Variants in ARMC2 observed in about 807,000 individuals in gnomAD.
The protein encoded by ARMC2 is armadillo repeat-containing protein 2.
Under a neutral mutation model 90.3 loss-of-function variants are expected in ARMC2, and 67 were observed. The observed-to-expected ratio is 0.74, with a 90% CI of 0.61 to 0.91. The LOEUF is 0.91. ARMC2 is among the 40% of genes least tolerant of loss of function. The pLI is 0.00. For missense variants in ARMC2, 920 were observed against 1,030.9 expected, an observed-to-expected ratio of 0.89 and a Z score of 1.47; for synonymous variants, 393 against 393.0, an observed-to-expected ratio of 1.00 and a Z score of 0.00.
chr6:109,044,967 G>A, the ARMC2 span, among the ~76,000 whole-genome samples: 44 of 151,808 alleles, frequency 2.9e-4, 1 homozygote, highest in Non-Finnish European at 5.6e-4. Flanking sequence ...AGGTTGCGGT[G>A]AGCTGAGATT....
At chr6:109,034,625 G>A in the ARMC2 span, among the ~76,000 whole-genome samples, 2 of 152,198 alleles carry the variant, frequency 1.3e-5, no homozygotes, top group South Asian at 2.1e-4. Context: ...AGCTTTCCTT[G>A]AAGCTGGGTG....
At chr6:108,851,617 A>G (rs1175621803) in intron 1 of ARMC2, among the ~76,000 whole-genome samples, 2 of 151,794 alleles carry the variant, frequency 1.3e-5, no homozygotes, top group African/African-American at 2.4e-5. Flanking sequence ...GGCATATATC[A>G]TAGCTTTTTT....
chr6:108,861,103 G>T (rs930396213), intron 3 of ARMC2, among the ~76,000 whole-genome samples: 1 of 152,138 alleles, frequency 6.6e-6, no homozygotes, highest in Non-Finnish European at 1.5e-5. Context: ...CATGGAGCTG[G>T]GAAGGATGGA....
At chr6:109,052,350 A>C in the ARMC2 span, among the ~76,000 whole-genome samples, 1 of 152,218 alleles carries the variant, frequency 6.6e-6, no homozygotes. Flanking sequence ...AAAAGTGAAG[A>C]CTATATTGAT....
chr6:108,849,480 G>T (rs1395501497), intron 1 of ARMC2, among the ~76,000 whole-genome samples: 1 of 152,144 alleles, frequency 6.6e-6, no homozygotes, highest in Non-Finnish European at 1.5e-5. Flanking sequence ...GTATACCTAT[G>T]TATCAAACCT....
At chr6:108,875,196 A>T (rs1005969798) in intron 4 of ARMC2, among the ~76,000 whole-genome samples, 1 of 152,132 alleles carries the variant, frequency 6.6e-6, no homozygotes, top group Non-Finnish European at 1.5e-5. Context: ...GGGAAATGTT[A>T]TATTATTATA....
the ARMC2 span, among the ~76,000 whole-genome samples, chr6:109,038,552 G>A: frequency 6.6e-6 from 1 of 152,196 alleles, no homozygotes; most frequent in Non-Finnish European, 1.5e-5. Flanking sequence ...ACAGCACAAT[G>A]AGATGTTGAC....
Position 108,894,558 on chromosome 6 carries a change from C to G in ARMC2, c.748+15C>G. Reference sequence around the variant, plus strand: ...AACCAAAGCAGGTGAGGGGTCCCCACACTCCTTCATCTACAGCATCTCCAC... The same window carrying G: ...AACCAAAGCAGGTGAGGGGTCCCCAGACTCCTTCATCTACAGCATCTCCAC... On this transcript the variant is annotated intron_variant, in intron 6 of 17. Coordinates refer to ENST00000392644, the MANE Select transcript of ARMC2 (RefSeq NM_032131.6). The G allele has an allele frequency of 6.3e-7, 1 of 1,586,656 alleles. No homozygotes were observed. Among genetic ancestry groups the G allele is most frequent in the Non-Finnish European group, 8.6e-7 (1 of 1,169,116 alleles).
chr6:108,986,544 A>C, the ARMC2 span: 1 of 152,660 alleles, frequency 6.6e-6, no homozygotes, highest in Non-Finnish European at 1.5e-5. Context: ...ATATTTTCAA[A>C]CCTGTTTGCA....
the ARMC2 span, chr6:108,987,537 A>C: frequency 4.0e-6 from 6 of 1,516,360 alleles, no homozygotes; most frequent in Middle Eastern, 8.5e-4. Context: ...TTAATGAAGG[A>C]AAGGCATCAG....
At chr6:108,892,799 A>G (rs940771811) in intron 5 of ARMC2, among the ~76,000 whole-genome samples, 1 of 151,578 alleles carries the variant, frequency 6.6e-6, no homozygotes, top group African/African-American at 2.4e-5. Context: ...CATGTTAATG[A>G]AGTAAAAAAT....
chr6:108,966,615 GA>G (rs989011502), intron 17 of ARMC2, among the ~76,000 whole-genome samples: 5 of 151,736 alleles, frequency 3.3e-5, no homozygotes, highest in African/African-American at 9.7e-5. Context: ...ACACAATAAG[GA>G]AAAAAAAGTG....
At chr6:109,002,437 G>T in the ARMC2 span, 2 of 930,616 alleles carry the variant, frequency 2.1e-6, no homozygotes, top group Non-Finnish European at 1.7e-6. Flanking sequence ...CAGTCGAACA[G>T]AGACAGGCTT....
At chr6:108,987,399 AG>A in the ARMC2 span, 1 of 535,970 alleles carries the variant, frequency 1.9e-6, no homozygotes, top group East Asian at 3.0e-5. Flanking sequence ...GGTTTTCCAC[AG>A]AAAAATAGCA....
intron 11 of ARMC2, 134 bp from the exon 12 acceptor site, chr6:108,936,766 G>GT (rs1775990488): frequency 1.4e-6 from 1 of 712,272 alleles, no homozygotes; most frequent in African/African-American, 1.8e-5. Context: ...GAACTGATGT[G>GT]TAGAGTATTT....
chr6:108,970,494 CTTT>C (rs1156823883), intron 17 of ARMC2, among the ~76,000 whole-genome samples: 7 of 117,344 alleles, frequency 6.0e-5, no homozygotes, highest in Non-Finnish European at 5.3e-5. Flanking sequence ...CTTCTCTTTT[CTTT>C]TTTTTTTTTT....
the ARMC2 span, among the ~76,000 whole-genome samples, chr6:109,043,369 G>T: frequency 6.6e-6 from 1 of 151,946 alleles, no homozygotes; most frequent in Non-Finnish European, 1.5e-5. Context: ...GTAAATAAAA[G>T]CCATACAGAT....
intron 8 of ARMC2, among the ~76,000 whole-genome samples, chr6:108,908,403 C>T (rs114606986): frequency 2.0e-5 from 3 of 152,204 alleles, no homozygotes; most frequent in African/African-American, 7.2e-5. Flanking sequence ...GCGCCTGGTA[C>T]ACATCAGGTG....
chr6:109,039,154 G>GAGGAGAAGGAGAAGGA, the ARMC2 span, among the ~76,000 whole-genome samples: 14,841 of 151,122 alleles, frequency 0.098, 890 homozygotes, highest in Middle Eastern at 0.18. Context: ...GAGAAGGAAG[G>GAGGAGAAGGAGAAGGA]AGGAGGAGGA....
Sources: gnomAD v4.1 joint callset for allele counts (sites outside exome capture counted in the v4.1 genomes callset) on GRCh38, gnomAD v4.1.1 for gene constraint, MANE v1.5 for transcripts, NCBI Gene and HGNC (gene_info 2026-07-23, HGNC 2026-07-21) for gene names.